The following GAREM1 variants were observed in gnomAD, a reference collection of about 807,000 sequenced individuals.
GAREM1 encodes the protein GRB2 associated regulator of MAPK1 subtype 1.
GAREM1 carries 26 observed loss-of-function variants against 71.3 expected under a neutral mutation model. The observed-to-expected ratio is 0.36, with a 90% CI of 0.27 to 0.51. GAREM1 has a LOEUF of 0.51. GAREM1 is among the 20% of genes least tolerant of loss of function. GAREM1 has a pLI of 0.95. For synonymous variants in GAREM1, 440 were observed against 433.2 expected (o/e 1.02, Z -0.20); for missense variants, 1,026 against 1,103.1 (o/e 0.93, Z 0.99).
chr18:32,455,019 T>C (rs927466568), intron 1 of GAREM1, among the ~76,000 whole-genome samples: 3 of 152,144 alleles, frequency 2.0e-5, no homozygotes, highest in African/African-American at 7.2e-5. Flanking sequence ...GGAATAAAAC[T>C]TTTAAACACG....
chr18:32,425,198 A>T (rs1568006493), intron 1 of GAREM1, among the ~76,000 whole-genome samples: 1 of 152,210 alleles, frequency 6.6e-6, no homozygotes, highest in Non-Finnish European at 1.5e-5. Flanking sequence ...TTAACTCAGC[A>T]GCTCCCACTT....
chr18:32,305,010 A>G (rs1396975140), intron 3 of GAREM1, among the ~76,000 whole-genome samples: 1 of 152,176 alleles, frequency 6.6e-6, no homozygotes, highest in African/African-American at 2.4e-5. Context: ...TTGATGAAAA[A>G]ACTAAGAGAG....
In GAREM1 at chr18:32,281,829, A is replaced by T. The variant is rs371043310; in HGVS notation, c.1566+5202T>A. 3.0e-4 allele frequency among the ~76,000 whole-genome samples: 46 copies of T among 152,316 alleles called. 1 individual carries two copies. In the East Asian group the frequency reaches 5.6e-3, roughly 19 times the overall value. On this transcript the variant is annotated intron_variant, in intron 4 of 5. Transcript: ENST00000269209. The stretch of plus-strand genomic sequence containing the variant: ...ATCGCATCCCCTGTGACTTGCACGT[A>T]TATGCCCAGATGGCCTGAAGTAACC...
intron 1 of GAREM1, among the ~76,000 whole-genome samples, chr18:32,440,659 C>A (rs968396384): frequency 1.3e-5 from 2 of 152,170 alleles, no homozygotes; most frequent in Non-Finnish European, 2.9e-5. Flanking sequence ...ATCCTCATTG[C>A]CTGTGCATAC....
intron 1 of GAREM1, among the ~76,000 whole-genome samples, chr18:32,452,444 C>A (rs1213568622): frequency 6.6e-6 from 1 of 152,206 alleles, no homozygotes; most frequent in Non-Finnish European, 1.5e-5. Flanking sequence ...TGTCAGGCCA[C>A]CATTCCCTCT....
chr18:32,360,029 G>T (rs1305419315), intron 2 of GAREM1, among the ~76,000 whole-genome samples: 1 of 151,828 alleles, frequency 6.6e-6, no homozygotes, highest in Non-Finnish European at 1.5e-5. Flanking sequence ...CCTTTTCTGG[G>T]ACATCTATTA....
rs571801558 is a variant in GAREM1, at chr18:32,331,048, TTC to T, written c.263-20727_263-20726del. Among the ~76,000 whole-genome samples, 14 of 152,340 alleles carry T rather than the reference TTC, an allele frequency of 9.2e-5. No individual in the cohort carries two copies. In the South Asian group the frequency reaches 2.3e-3, roughly 25 times the overall value. The stretch of plus-strand genomic sequence containing the variant: ...TAGTTCACAAAAAGTCTGTTCCTCC[TTC>T]TCTCTGATCATTTCTAGAAAACTGA... On this transcript the variant is annotated intron_variant, in intron 2 of 5. Coordinates refer to ENST00000269209, the MANE Select transcript of GAREM1 (RefSeq NM_001242409.2).
rs2047051519 is a variant in GAREM1 at position 32,288,694 on chromosome 18, A to G, written c.394-491T>C. ...GAAGAAATATTAAAAATACAAATAT[A>G]AAAATGAAGAACTTCTATACTATCT... On this transcript the variant is annotated intron_variant, in intron 3 of 5. Coordinates refer to ENST00000269209, the MANE Select transcript of GAREM1 (RefSeq NM_001242409.2). Among the ~76,000 whole-genome samples, 3 of 152,216 alleles carry G rather than the reference A, an allele frequency of 2.0e-5. No individual in the cohort carries two copies. In the South Asian group the frequency reaches 6.2e-4, roughly 32 times the overall value.
At chr18:32,372,179 G>A (rs148482257) in intron 2 of GAREM1, among the ~76,000 whole-genome samples, 2 of 152,306 alleles carry the variant, frequency 1.3e-5, no homozygotes, top group East Asian at 3.9e-4. Flanking sequence ...TCTTCTGTGT[G>A]TATGTGTACA....
At chr18:32,322,432 T>A (rs1479447224) in intron 2 of GAREM1, among the ~76,000 whole-genome samples, 1 of 152,202 alleles carries the variant, frequency 6.6e-6, no homozygotes, top group Non-Finnish European at 1.5e-5. Context: ...ATTCCCAGAT[T>A]TCACCAATCT....
At chr18:32,370,074 G>A (rs562634479) in intron 2 of GAREM1, among the ~76,000 whole-genome samples, 3 of 152,220 alleles carry the variant, frequency 2.0e-5, no homozygotes, top group South Asian at 2.1e-4. Flanking sequence ...CTGGCAGGGT[G>A]CGGGCTACTT....
intron 2 of GAREM1, among the ~76,000 whole-genome samples, chr18:32,351,331 T>A (rs2047748264): frequency 6.6e-6 from 1 of 152,324 alleles, no homozygotes; most frequent in Non-Finnish European, 1.5e-5. Context: ...TACTCATTAA[T>A]CTGACTCAAA....
At chr18:32,442,701 A>C (rs539501522) in intron 1 of GAREM1, among the ~76,000 whole-genome samples, 205 of 152,316 alleles carry the variant, frequency 1.3e-3, no homozygotes, top group Admixed American at 2.4e-3. Flanking sequence ...GCATGTCTTA[A>C]GCTTTTGCCC....
In GAREM1 at chr18:32,470,245, G is replaced by A; in HGVS notation, c.121+63C>T. 7.2e-7 allele frequency: 1 copy of A among 1,383,332 alleles called. No individual in the cohort carries two copies. The highest frequency in any genetic ancestry group is 3.1e-5 in the East Asian group (1 of 32,356). The allele number at this position is 1,383,332 out of a possible 1,614,324, so 85.7% of individuals were successfully genotyped here. ...GGGTCCCACCCTCTCCAGCACACGC[G>A]CGCACACCCGCGTGGAGACGGCTGT... On this transcript the variant is annotated intron_variant, in intron 1 of 5. Transcript: ENST00000269209. This position sits in a 1 kb window ranked among gnomAD's most constrained non-coding sequence, Gnocchi z 4.4.
chr18:32,363,876 T>C (rs1181763905), intron 2 of GAREM1, among the ~76,000 whole-genome samples: 9 of 149,476 alleles, frequency 6.0e-5, no homozygotes, highest in African/African-American at 2.0e-4. Context: ...GCAAAGGTTA[T>C]CTTTCATCAT....
intron 3 of GAREM1, among the ~76,000 whole-genome samples, chr18:32,296,908 T>C (rs958959598): frequency 6.6e-6 from 1 of 152,140 alleles, no homozygotes; most frequent in African/African-American, 2.4e-5. Context: ...ATTTTAGCCT[T>C]TGGTTTATCC....
intron 2 of GAREM1, among the ~76,000 whole-genome samples, chr18:32,339,950 G>C (rs2047633037): frequency 6.6e-6 from 1 of 152,120 alleles, no homozygotes; most frequent in African/African-American, 2.4e-5. Context: ...ACTGGTGCTG[G>C]AGTGACCACT....
chr18:32,434,637 T>C (rs2048657420), intron 1 of GAREM1, among the ~76,000 whole-genome samples: 1 of 151,864 alleles, frequency 6.6e-6, no homozygotes, highest in Non-Finnish European at 1.5e-5. Flanking sequence ...CATACTGATA[T>C]AAATTAATAA....
intron 2 of GAREM1, among the ~76,000 whole-genome samples, chr18:32,317,825 A>C (rs1038412142): frequency 6.6e-6 from 1 of 152,144 alleles, no homozygotes; most frequent in Non-Finnish European, 1.5e-5. Context: ...GTTGGAGTCA[A>C]ATCTTGGAGA....
Sources: gnomAD v4.1 joint callset for allele counts (sites outside exome capture counted in the v4.1 genomes callset) on GRCh38, gnomAD v4.1.1 for gene constraint, Gnocchi (gnomAD v3.1) non-coding constraint, MANE v1.5 for transcripts, NCBI Gene and HGNC (gene_info 2026-07-23, HGNC 2026-07-21) for gene names.